DDX46: variants seen among roughly 807,000 people sequenced by gnomAD.
The protein encoded by DDX46 is DEAD-box helicase 46.
A neutral mutation model predicts 134.9 loss-of-function variants in DDX46; 30 were observed. The ratio of observed to expected loss-of-function variants is 0.22; its 90% confidence interval spans 0.17 to 0.30. DDX46 has a LOEUF of 0.30. Among genes scored for constraint, DDX46 ranks in the 10% least tolerant of loss-of-function variants. The pLI, the probability that DDX46 is intolerant of heterozygous loss-of-function variation, is 1.00. For synonymous variants in DDX46, 415 were observed against 404.1 expected, an observed-to-expected ratio of 1.03 and a Z score of -0.32; for missense variants, 622 against 1,248.7, an observed-to-expected ratio of 0.50 and a Z score of 7.56.
chr5:134,784,897 CAT>C (rs774412933), intron 10 of DDX46, among the ~76,000 whole-genome samples: 3 of 152,202 alleles, frequency 2.0e-5, no homozygotes, highest in Non-Finnish European at 4.4e-5. Flanking sequence ...CCTAGGGAAA[CAT>C]ATTTTCCTAG....
Position 134,801,361 on chromosome 5 carries a change from A to C in DDX46, c.1954+5211A>C, listed in dbSNP as rs1452044520. Among the ~76,000 whole-genome samples, 6 of 152,160 alleles carry C rather than the reference A, an allele frequency of 3.9e-5. No homozygotes were observed. The South Asian group carries it at 1.0e-3, about 26-fold the overall frequency. On this transcript the variant is annotated intron_variant, in intron 15 of 22. Transcript: ENST00000452510. ...TTTTACTCAGCTTAATAACTTTGAT[A>C]TGCATCCAAGTTCCAAGTTCTTGCA... is the stretch of plus-strand genomic sequence containing the variant.
At chr5:134,778,698 C>T (rs1754030982) in intron 6 of DDX46, among the ~76,000 whole-genome samples, 1 of 151,922 alleles carries the variant, frequency 6.6e-6, no homozygotes, top group African/African-American at 2.4e-5. Flanking sequence ...CTCAGCCTCC[C>T]AAGTAGCTGG....
chr5:134,812,477 GA>G (rs1755173784), intron 18 of DDX46, among the ~76,000 whole-genome samples: 1 of 150,490 alleles, frequency 6.6e-6, no homozygotes, highest in Non-Finnish European at 1.5e-5. Flanking sequence ...CTTAAGTTCA[GA>G]AAATAATTTT....
At chr5:134,761,514 T>C (rs951972456) in intron 1 of DDX46, among the ~76,000 whole-genome samples, 7 of 152,234 alleles carry the variant, frequency 4.6e-5, no homozygotes, top group African/African-American at 1.7e-4. Context: ...CTCCTAGTGA[T>C]CTTATTTAGG....
intron 4 of DDX46, 92 bp downstream of exon 4, chr5:134,771,091 C>T (rs867027404): frequency 3.8e-6 from 2 of 525,800 alleles, no homozygotes; most frequent in Non-Finnish European, 6.6e-6. Flanking sequence ...CTTTCTTTCT[C>T]TTTCTTTCTT....
rs1755471258 is a variant in DDX46 at position 134,822,079 on chromosome 5, A to G, written c.2977+3075A>G. 4.0e-5 allele frequency among the ~76,000 whole-genome samples: 6 copies of G among 151,170 alleles called. No individual in the cohort carries two copies. In the South Asian group the frequency reaches 1.3e-3, roughly 32 times the overall value. ...TTTTTAGTAGAGATGGAGTTTCACC[A>G]CGTTGGCCAGGCTGTTCTTGAACTC... On this transcript the variant is annotated intron_variant, in intron 21 of 22. Transcript: ENST00000452510.
chr5:134,780,166 GTATA>G (rs1214043602), intron 6 of DDX46, among the ~76,000 whole-genome samples: 1 of 148,550 alleles, frequency 6.7e-6, no homozygotes, highest in Admixed American at 6.7e-5. Context: ...ATGTATATGT[GTATA>G]TGTATATGTG....
rs1356373696 is a variant in DDX46, at chr5:134,780,982, T to TCACAC, written c.766-147_766-143dup. On this transcript the variant is annotated intron_variant, in intron 6 of 22. Coordinates refer to ENST00000452510, the MANE Select transcript of DDX46 (RefSeq NM_001300860.2). ...AATTTGAGGTTACAGTGAGCTATGATCACACCACTCAAGCCTGGGTGACTG... is the reference window on the plus strand; with the variant it reads ...AATTTGAGGTTACAGTGAGCTATGATCACACCACACCACTCAAGCCTGGGTGACTG... The TCACAC allele has an allele frequency of 1.2e-4, 60 of 512,688 alleles. No individual in the cohort carries two copies. In the East Asian group the frequency reaches 2.3e-3, roughly 19 times the overall value. 31.8% of individuals were successfully genotyped at this position (512,688 alleles called of 1,614,324 possible). A position where few individuals can be genotyped will look rare whatever the true frequency, so the allele number is the denominator to read the frequency against.
intron 5 of DDX46, among the ~76,000 whole-genome samples, chr5:134,774,863 T>C (rs1189578989): frequency 1.3e-5 from 2 of 151,896 alleles, no homozygotes; most frequent in African/African-American, 2.4e-5. Context: ...TTTTCTTTTT[T>C]CTTTTTTGAC....
At chr5:134,764,627 G>A (rs1018173555) in intron 2 of DDX46, among the ~76,000 whole-genome samples, 1 of 152,128 alleles carries the variant, frequency 6.6e-6, no homozygotes, top group South Asian at 2.1e-4. Flanking sequence ...TGTATTTCCT[G>A]TAACCCAAAG....
intron 12 of DDX46, 100 bp downstream of exon 12, chr5:134,788,691 T>A (rs1398004778): frequency 2.7e-5 from 29 of 1,070,262 alleles, no homozygotes; most frequent in Non-Finnish European, 1.1e-5. Flanking sequence ...TCTATATTTC[T>A]TCTTAAAGCT....
At chr5:134,790,627 G>A (rs73790710) in intron 13 of DDX46, 75 bp downstream of exon 13, 1 of 1,330,436 alleles carries the variant, frequency 7.5e-7, no homozygotes, top group Non-Finnish European at 1.1e-6. Context: ...AAATGTTCAT[G>A]TGGTTTCTGA....
intron 15 of DDX46, among the ~76,000 whole-genome samples, chr5:134,804,345 G>T (rs1391058123): frequency 6.6e-6 from 1 of 152,250 alleles, no homozygotes; most frequent in African/African-American, 2.4e-5. Flanking sequence ...ATGGTATATT[G>T]TGACAGATTA....
chr5:134,764,218 C>T lies in DDX46; in HGVS notation c.206+126C>T, dbSNP rs938555145. On this transcript the variant is annotated intron_variant, in intron 2 of 22. Coordinates refer to ENST00000452510, the MANE Select transcript of DDX46 (RefSeq NM_001300860.2). ...CCAATTGCAGGCCCTTTTCTTTATC[C>T]CCTACTTGTTTGATTAGACCCAGAA... The T allele has an allele frequency of 3.1e-5, 27 of 863,206 alleles. No homozygotes were observed. The East Asian group carries it at 3.2e-4, about 10-fold the overall frequency. The allele number at this position is 863,206 out of a possible 1,614,324, so 53.5% of individuals were successfully genotyped here. A position where few individuals can be genotyped will look rare whatever the true frequency, so the allele number is the denominator to read the frequency against.
rs368575812 is a variant in DDX46 at position 134,790,462 on chromosome 5, C to T, written c.1544-8C>T. The T allele has an allele frequency of 4.0e-5, 64 of 1,595,626 alleles. No individual in the cohort carries two copies. In the African/African-American group the frequency reaches 8.0e-4, roughly 20 times the overall value. On this transcript the variant is annotated splice_region_variant and splice_polypyrimidine_tract_variant and intron_variant, in intron 12 of 22. Transcript: ENST00000452510. ...TTCTTTTTGTCTTTATTTTTCTTTT[C>T]ATCTTAGGTCGGGTCACAAATCTTC... is the stretch of plus-strand genomic sequence containing the variant.
chr5:134,775,864 T>C (rs923665799), intron 5 of DDX46, among the ~76,000 whole-genome samples: 2 of 152,140 alleles, frequency 1.3e-5, no homozygotes, highest in African/African-American at 4.8e-5. Context: ...TCTTCTGTGA[T>C]TGAAAGGTAA....
chr5:134,760,765 C>G (rs1753353341), intron 1 of DDX46, among the ~76,000 whole-genome samples: 1 of 152,184 alleles, frequency 6.6e-6, no homozygotes, highest in Admixed American at 6.5e-5. Context: ...GAGTCTCGCT[C>G]TTTCGCCAGG....
chr5:134,771,297 G>A (rs1405229791), intron 4 of DDX46, among the ~76,000 whole-genome samples: 1 of 150,748 alleles, frequency 6.6e-6, no homozygotes, highest in African/African-American at 2.4e-5. Context: ...GTTTCACTGT[G>A]TTGGCCAGGC....
At chr5:134,767,366 TCTCA>T (rs1397060254) in intron 3 of DDX46, among the ~76,000 whole-genome samples, 1 of 152,126 alleles carries the variant, frequency 6.6e-6, no homozygotes, top group Non-Finnish European at 1.5e-5. Flanking sequence ...TCAGGCAGGG[TCTCA>T]CTCTGTTGCC....
Sources: gnomAD v4.1 joint callset for allele counts (sites outside exome capture counted in the v4.1 genomes callset) on GRCh38, gnomAD v4.1.1 for gene constraint, MANE v1.5 for transcripts, NCBI Gene and HGNC (gene_info 2026-07-23, HGNC 2026-07-21) for gene names.